Variants in ERN2 observed in about 807,000 individuals in gnomAD.
The protein encoded by ERN2 is endoplasmic reticulum to nucleus signaling 2, also known as serine/threonine-protein kinase/endoribonuclease IRE2.
Under a neutral mutation model 107.9 loss-of-function variants are expected in ERN2, and 111 were observed. The ratio of observed to expected loss-of-function variants is 1.03; its 90% CI spans 0.88 to 1.20. The LOEUF (loss-of-function observed/expected upper bound fraction) is 1.20, where lower values mean the gene tolerates loss of function less well. Among genes scored for constraint, ERN2 ranks in the 50% most tolerant of loss-of-function variants. The pLI is 0.00. For synonymous variants in ERN2, 524 were observed against 501.7 expected (o/e 1.04, Z -0.59); for missense variants, 1,225 against 1,197.9 (o/e 1.02, Z -0.33).
At chr16:23,702,998 T>C (rs1301986800) in intron 8 of ERN2, among the ~76,000 whole-genome samples, 4 of 151,834 alleles carry the variant, frequency 2.6e-5, no homozygotes, top group Non-Finnish European at 4.4e-5. Flanking sequence ...GGTCAAACAG[T>C]CCATCAACTA....
chr16:23,700,295 C>T (rs1419619020), intron 13 of ERN2, among the ~76,000 whole-genome samples: 3 of 152,188 alleles, frequency 2.0e-5, no homozygotes, highest in Non-Finnish European at 4.4e-5. Flanking sequence ...TATGATTGTG[C>T]CACTGTACTC....
At chr16:23,702,837 T>C (rs1960145288) in intron 8 of ERN2, 135 bp from the exon 9 acceptor site, 1 of 746,184 alleles carries the variant, frequency 1.3e-6, no homozygotes, top group African/African-American at 1.7e-5. Flanking sequence ...TTTAATCAAT[T>C]AGACAACAGC....
chr16:23,692,119 C>G (rs773519269), intron 18 of ERN2, 29 bp from the exon 19 acceptor site: 1 of 1,613,778 alleles, frequency 6.2e-7, no homozygotes, highest in South Asian at 1.1e-5. Flanking sequence ...GGAGGAGAGT[C>G]TGCTTCAGGC....
At position 23,707,018 on chromosome 16, in the gene ERN2, A is replaced by AC; in HGVS notation, c.367dup (p.Val123GlyfsTer17). The AC allele has an allele frequency of 6.2e-7, 1 of 1,613,742 alleles. No individual in the cohort carries two copies. The highest frequency in any genetic ancestry group is 8.5e-7 in the Non-Finnish European group (1 of 1,179,752). On this transcript the variant is annotated frameshift_variant, in exon 5 of 22. Coordinates refer to ENST00000256797, the MANE Select transcript of ERN2 (RefSeq NM_033266.4). LOFTEE classifies it high-confidence loss of function. The stretch of plus-strand genomic sequence containing the variant: ...GAAGAGATGCTCACCTGTGTAGAAG[A>AC]CCCCATCAGAGCTGCGGCAGGGAGA...
chr16:23,700,412 A>C (rs1391611475), intron 13 of ERN2, 127 bp downstream of exon 13: 4 of 890,372 alleles, frequency 4.5e-6, no homozygotes, highest in Non-Finnish European at 5.2e-6. Flanking sequence ...TACTCAAAAC[A>C]CTCTTCTTAA....
rs374721880 is a variant in ERN2, at chr16:23,695,115, C to T, written c.1804G>A (p.Val602Ile). The T allele has an allele frequency of 1.1e-5, 17 of 1,613,934 alleles. No individual in the cohort carries two copies. In the African/African-American group the frequency reaches 2.0e-4, roughly 19 times the overall value. Residue 602 changes from valine to isoleucine, a missense_variant, in exon 16 of 22, where the codon GTA (valine) becomes ATA (isoleucine). Physicochemically the swap from Val to Ile is conservative, Grantham distance 29 (BLOSUM62 3). Coordinates refer to ENST00000256797, the MANE Select transcript of ERN2 (RefSeq NM_033266.4). ...CCGCGATCCAGGTCCGGGTTTTCTA[C>T]GTACTGAGCAGCAGCAAGGGCCAAA... ...ELCRASLQEY[V>I]ENPDLDRGGL...
Position 23,692,186 on chromosome 16 carries a change from T to G in ERN2, c.2246A>C (p.His749Pro). 6.2e-7 allele frequency: 1 copy of G among 1,614,122 alleles called. No homozygotes were observed. Among genetic ancestry groups the G allele is most frequent in the Non-Finnish European group, 8.5e-7 (1 of 1,180,026 alleles). ...PCLAHLEEEVHDKVVARDLVG... is the reference protein window; with the variant it reads ...PCLAHLEEEVPDKVVARDLVG... ...TGCCCTGCCCAGGGCTCCCTCACCGTGGACCTCTTCCTCCAGGTGAGCCAG... is the reference window on the plus strand; with the variant it reads ...TGCCCTGCCCAGGGCTCCCTCACCGGGGACCTCTTCCTCCAGGTGAGCCAG... Residue 749 changes from histidine to proline, a missense_variant and splice_region_variant, in exon 18 of 22, where the codon CAC becomes CCC. His to Pro is a moderately conservative substitution (Grantham distance 77). Coordinates refer to ENST00000256797, the MANE Select transcript of ERN2 (RefSeq NM_033266.4).
rs746471542 is a variant in ERN2 at position 23,694,719 on chromosome 16, T to C, written c.2100+9A>G. 1.3e-6 allele frequency: 2 copies of C among 1,593,334 alleles called. No individual in the cohort carries two copies. The highest frequency in any genetic ancestry group is 1.7e-6 in the Non-Finnish European group (2 of 1,171,814). ...CTGTGTGCCTGGAGGACTTGGTGGA[T>C]AGACTCACAGGACTGTCTGGTGGCA... On this transcript the variant is annotated intron_variant, in intron 17 of 21. Transcript: ENST00000256797.
Position 23,694,826 on chromosome 16 carries a change from G to A in ERN2, c.2002C>T (p.Pro668Ser). 6.2e-7 allele frequency: 1 copy of A among 1,614,090 alleles called. No individual in the cohort carries two copies. ...AGGCTGAAGCTACAGCGGCCAGCAG[G>A]CAGCTTCTTGCAGAGGCCGAAGTCT... ...LSDFGLCKKL[P>S]AGRCSFSLHS... is the part of the protein sequence containing the mutation. Residue 668 changes from proline to serine, a missense_variant, in exon 17 of 22, where the codon CCT becomes TCT. Pro to Ser is a moderately conservative substitution (Grantham distance 74). Coordinates refer to ENST00000256797, the MANE Select transcript of ERN2 (RefSeq NM_033266.4).
In ERN2 at chr16:23,690,969, G is replaced by A. The variant is rs951086989; in HGVS notation, c.2643C>T (p.Tyr881=). ...GCAGCCGTGGGAAGCGGTTTGTGAAGTACTGGACGAAGCCATCAGGGACTT... is the reference window on the plus strand; with the variant it reads ...GCAGCCGTGGGAAGCGGTTTGTGAAATACTGGACGAAGCCATCAGGGACTT... The part of the protein sequence containing the change: ...LGQVPDGFVQ[Y]FTNRFPRLLL... The change falls in exon 22 of 22, where the codon TAC becomes TAT. Residue 881 remains tyrosine, a synonymous_variant. Coordinates refer to ENST00000256797, the MANE Select transcript of ERN2 (RefSeq NM_033266.4). 6.8e-6 allele frequency: 11 copies of A among 1,614,166 alleles called. No individual in the cohort carries two copies. The highest frequency in any genetic ancestry group is 9.3e-6 in the Non-Finnish European group (11 of 1,180,036).
In ERN2 at chr16:23,702,506, C is replaced by G. The variant is rs1368525606; in HGVS notation, c.965G>C (p.Gly322Ala). The change falls in exon 10 of 22, where the codon GGC becomes GCC. Residue 322 changes from glycine to alanine, a missense_variant. By Grantham distance (60) the Gly-to-Ala change is moderately conservative. Transcript: ENST00000256797. ...GAGTGTCACCTCATCTGTGGTGGGG[C>G]CATCTGCGGGGGCCAGGGTCAGTCC... ...PRGLTLAPAD[G>A]PTTDEVTLQV... is the part of the protein sequence containing the mutation. 10 of 1,613,858 alleles carry G rather than the reference C, an allele frequency of 6.2e-6. No individual in the cohort carries two copies. The highest frequency in any genetic ancestry group is 8.5e-6 in the Non-Finnish European group (10 of 1,180,004).
intron 8 of ERN2, among the ~76,000 whole-genome samples, 155 bp from the exon 9 acceptor site, chr16:23,702,857 A>G (rs947208361): frequency 3.3e-5 from 5 of 152,196 alleles, no homozygotes; most frequent in Admixed American, 6.5e-5. Context: ...CAAATGTGAC[A>G]TAAGTAGAGG....
At chr16:23,691,827 G>T in intron 19 of ERN2, 136 bp downstream of exon 19, 1 of 1,260,754 alleles carries the variant, frequency 7.9e-7, no homozygotes, top group Non-Finnish European at 1.1e-6. Flanking sequence ...CTGGCTCCCA[G>T]TTTAGGGAAA....
chr16:23,701,246 G>A, intron 11 of ERN2, 132 bp from the exon 12 acceptor site: 1 of 875,126 alleles, frequency 1.1e-6, no homozygotes, highest in Non-Finnish European at 1.7e-6. Flanking sequence ...GGGAAACGTG[G>A]CACTCTCCAC....
chr16:23,692,326 G>T lies in ERN2; in HGVS notation c.2106C>A (p.Ser702Arg), dbSNP rs771900050. 8.1e-6 allele frequency: 13 copies of T among 1,612,698 alleles called. No individual in the cohort carries two copies. The highest frequency in any genetic ancestry group is 1.1e-5 in the Non-Finnish European group (13 of 1,180,004). ...LQLLPPDSPT[S>R]AVDIFSAGCV... ...AGCCTGCAGAGAAGATGTCCACAGC[G>T]CTGGTCTGGAGCCAGAGAGATGGGC... The change falls in exon 18 of 22, where the codon AGC becomes AGA. Residue 702 changes from serine to arginine, a missense_variant. By Grantham distance (110) the Ser-to-Arg change is moderately radical. Transcript: ENST00000256797.
chr16:23,702,337 G>A, intron 10 of ERN2, 53 bp downstream of exon 10: 2 of 1,611,072 alleles, frequency 1.2e-6, no homozygotes, highest in South Asian at 2.2e-5. Flanking sequence ...CAGAAGCTGG[G>A]CTCACAGGTT....
Position 23,713,210 on chromosome 16 carries a change from T to G in ERN2, c.-23A>C. 1.9e-6 allele frequency: 3 copies of G among 1,579,864 alleles called. No homozygotes were observed. The highest frequency in any genetic ancestry group is 2.6e-6 in the Non-Finnish European group (3 of 1,170,100). Reference sequence around the variant, plus strand: ...CATAGCGCCTGGGCAGCTGCACGGCTGGCCAGGTCCCTGGGTGCCTCCAAG... The same window carrying G: ...CATAGCGCCTGGGCAGCTGCACGGCGGGCCAGGTCCCTGGGTGCCTCCAAG... On this transcript the variant is annotated 5_prime_UTR_variant, in exon 1 of 22. Transcript: ENST00000256797.
At chr16:23,698,382 G>T (rs1469157524) in intron 13 of ERN2, among the ~76,000 whole-genome samples, 1 of 152,172 alleles carries the variant, frequency 6.6e-6, no homozygotes, top group South Asian at 2.1e-4. Context: ...GTTATCTCAT[G>T]AGTTAATGCA....
At chr16:23,694,689 G>T (rs1040094868) in intron 17 of ERN2, 39 bp downstream of exon 17, 3 of 1,531,828 alleles carry the variant, frequency 2.0e-6, no homozygotes, top group South Asian at 1.2e-5. Context: ...TGCAGCCTGG[G>T]GCAGCTGTGT....
Sources: allele counts gnomAD v4.1 joint callset (sites outside exome capture counted in the v4.1 genomes callset), GRCh38; gene constraint gnomAD v4.1.1; transcripts MANE v1.5; gene names NCBI Gene and HGNC (gene_info 2026-07-23, HGNC 2026-07-21).